Variants in PAG1 observed in about 807,000 individuals in gnomAD.
PAG1 encodes the protein phosphoprotein associated with glycosphingolipid-enriched microdomains 1.
A neutral mutation model predicts 31.7 loss-of-function variants in PAG1; 23 were observed. The ratio of observed to expected loss-of-function variants is 0.73; its 90% CI spans 0.52 to 1.03. PAG1 has a LOEUF of 1.03. Among genes scored for constraint, PAG1 ranks in the 50% least tolerant of loss-of-function variants. The probability of loss-of-function intolerance (pLI) is 0.00; values close to 1 mark genes in which losing one functional copy is unlikely to be tolerated. For missense variants in PAG1, 473 were observed against 540.7 expected (o/e 0.87, Z 1.24); for synonymous variants, 214 against 210.3 (o/e 1.02, Z -0.15).
chr8:80,998,610 A>G (rs1487861423), intron 3 of PAG1, among the ~76,000 whole-genome samples: 1 of 151,852 alleles, frequency 6.6e-6, no homozygotes, highest in Non-Finnish European at 1.5e-5. Flanking sequence ...AAAAAACCAC[A>G]CAAATTAATG....
intron 6 of PAG1, among the ~76,000 whole-genome samples, chr8:80,986,226 C>G (rs1586144128): frequency 6.6e-6 from 1 of 152,176 alleles, no homozygotes; most frequent in Non-Finnish European, 1.5e-5. Context: ...ACGGATCCCC[C>G]AATCCTTCTG....
At chr8:81,100,981 C>T (rs1447290147) in intron 1 of PAG1, among the ~76,000 whole-genome samples, 1 of 152,050 alleles carries the variant, frequency 6.6e-6, no homozygotes, top group Non-Finnish European at 1.5e-5. Flanking sequence ...TCTAGGAGAA[C>T]GATTTTGAAA....
rs775178984 is a variant in PAG1 at position 80,985,158 on chromosome 8, A to T, written c.494T>A (p.Val165Glu). ...QGLGMEGPYE[V>E]LKDSSSQENM... Reference sequence around the variant, plus strand: ...TTCTTGGGAGGAGCTGTCCTTGAGCACTTCATAGGGCCCTTCCATCCCCAG... The same window carrying T: ...TTCTTGGGAGGAGCTGTCCTTGAGCTCTTCATAGGGCCCTTCCATCCCCAG... Residue 165 changes from valine (V) to glutamate (E), a missense_variant, in exon 7 of 9, where the codon GTG (valine) becomes GAG (glutamate). Val to Glu is a moderately radical substitution (Grantham distance 121). Coordinates refer to ENST00000220597, the MANE Select transcript of PAG1 (RefSeq NM_018440.4). 6.2e-7 allele frequency: 1 copy of T among 1,613,796 alleles called. No homozygotes were observed. The highest frequency in any genetic ancestry group is 8.5e-7 in the Non-Finnish European group (1 of 1,179,980).
intron 2 of PAG1, among the ~76,000 whole-genome samples, chr8:81,042,750 T>A (rs1011829300): frequency 7.2e-5 from 11 of 152,074 alleles, no homozygotes; most frequent in Admixed American, 6.5e-5. Flanking sequence ...GGGTAAAGAC[T>A]TTTCCCTCCC....
chr8:81,035,944 CAT>C (rs996587307), intron 2 of PAG1, among the ~76,000 whole-genome samples: 18 of 151,576 alleles, frequency 1.2e-4, no homozygotes, highest in African/African-American at 3.2e-4. Flanking sequence ...CATATTAACA[CAT>C]GTGTATATAC....
At position 81,111,989 on chromosome 8, in the gene PAG1, T is replaced by C. The variant is rs1169528798; in HGVS notation, c.-632A>G. The C allele has an allele frequency of 2.0e-5, 3 of 152,238 alleles. No homozygotes were observed. Among genetic ancestry groups the C allele is most frequent in the Admixed American group, 2.0e-4 (3 of 15,286 alleles). 9.4% of individuals were successfully genotyped at this position (152,238 alleles called of 1,614,324 possible). A position where few individuals can be genotyped will look rare whatever the true frequency, so the allele number is the denominator to read the frequency against. On this transcript the variant is annotated 5_prime_UTR_variant, in exon 1 of 9. Transcript: ENST00000220597. ...AGCCGCCAGCCCGCCCCCAGTCGGCTGGTCACATCGCGGGCGCGCAGACGG... is the reference window on the plus strand; with the variant it reads ...AGCCGCCAGCCCGCCCCCAGTCGGCCGGTCACATCGCGGGCGCGCAGACGG...
At chr8:80,993,345 G>C (rs1026949394) in intron 3 of PAG1, 38 bp from the exon 4 acceptor site, 1 of 1,061,280 alleles carries the variant, frequency 9.4e-7, no homozygotes, top group Non-Finnish European at 1.3e-6. Flanking sequence ...GTAATTCTCG[G>C]GTAAAGTGGC....
In PAG1 at chr8:80,987,412, G is replaced by A. The variant is rs746284852; in HGVS notation, c.232C>T (p.Pro78Ser). 1.9e-6 allele frequency: 3 copies of A among 1,613,958 alleles called. No individual in the cohort carries two copies. Among genetic ancestry groups the A allele is most frequent in the South Asian group, 1.1e-5 (1 of 91,066 alleles). ...GCCCCATTCTGCTCACTGCTGGCAG[G>A]AGCATCTGTTGCCAGGCTAGTAACT... The part of the protein sequence containing the change: ...RSVTSLATDA[P>S]ASSEQNGALT... Residue 78 changes from proline (P) to serine (S), a missense_variant, in exon 6 of 9, where the codon CCT becomes TCT. Transcript: ENST00000220597.
intron 1 of PAG1, among the ~76,000 whole-genome samples, chr8:81,106,095 T>C (rs1333626957): frequency 6.6e-6 from 1 of 152,172 alleles, no homozygotes; most frequent in Non-Finnish European, 1.5e-5. Context: ...CAGGCCGGGG[T>C]GCAGTGGTGT....
At chr8:81,106,291 C>A (rs988937423) in intron 1 of PAG1, among the ~76,000 whole-genome samples, 1 of 152,114 alleles carries the variant, frequency 6.6e-6, no homozygotes, top group East Asian at 1.9e-4. Flanking sequence ...AGTGATCCAC[C>A]CTCCTCAGCC....
chr8:81,100,544 C>T (rs1278667614), intron 1 of PAG1, among the ~76,000 whole-genome samples: 7 of 152,176 alleles, frequency 4.6e-5, no homozygotes, highest in Non-Finnish European at 8.8e-5. Flanking sequence ...CTGTGCCAAC[C>T]AAAAATGTCT....
chr8:81,108,423 G>A lies in PAG1; in HGVS notation c.-234+3168C>T, dbSNP rs4556047. On this transcript the variant is annotated intron_variant, in intron 1 of 8. Transcript: ENST00000220597. The stretch of plus-strand genomic sequence containing the variant: ...AGCCTACAGGAAGAGTAGAACTCTC[G>A]AAGAGTTTTGATTTTTTTTTTAAAG... Among the ~76,000 whole-genome samples, 575 of 152,240 alleles carry A rather than the reference G, an allele frequency of 3.8e-3. 7 individuals are homozygous for A. The highest frequency in any genetic ancestry group is 0.013 in the African/African-American group (552 of 41,538).
In PAG1 at chr8:81,054,894, A is replaced by G. The variant is rs377258936; in HGVS notation, c.-175+15218T>C. Among the ~76,000 whole-genome samples the G allele has an allele frequency of 3.3e-5, 5 of 152,086 alleles. No individual in the cohort carries two copies. The East Asian group carries it at 9.7e-4, about 29-fold the overall frequency. ...CCTACATTTCAAAAGCTCATGATGAAGACTGGATGGGAGAAGGGGGAAACT... is the reference window on the plus strand; with the variant it reads ...CCTACATTTCAAAAGCTCATGATGAGGACTGGATGGGAGAAGGGGGAAACT... On this transcript the variant is annotated intron_variant, in intron 2 of 8. Transcript: ENST00000220597.
At chr8:81,044,379 G>A (rs566852372) in intron 2 of PAG1, among the ~76,000 whole-genome samples, 20 of 152,296 alleles carry the variant, frequency 1.3e-4, no homozygotes, top group African/African-American at 4.3e-4. Flanking sequence ...GGAAGCAGAT[G>A]TGAAGAGACA....
intron 7 of PAG1, among the ~76,000 whole-genome samples, chr8:80,982,132 T>C (rs1807319552): frequency 1.3e-5 from 2 of 152,128 alleles, no homozygotes; most frequent in Non-Finnish European, 1.5e-5. Flanking sequence ...TCCCAAAGTG[T>C]TACGATTACA....
intron 2 of PAG1, among the ~76,000 whole-genome samples, chr8:81,030,306 A>C (rs2130786960): frequency 6.6e-6 from 1 of 152,366 alleles, no homozygotes; most frequent in Middle Eastern, 3.4e-3. Flanking sequence ...AAAACTTCCT[A>C]TCTCCCCATC....
At chr8:81,049,120 T>C (rs1358787512) in intron 2 of PAG1, among the ~76,000 whole-genome samples, 1 of 152,212 alleles carries the variant, frequency 6.6e-6, no homozygotes, top group African/African-American at 2.4e-5. Flanking sequence ...TAATTACACA[T>C]TGAGCAAGAA....
intron 2 of PAG1, among the ~76,000 whole-genome samples, chr8:81,044,972 T>G (rs1467677633): frequency 6.6e-6 from 1 of 152,132 alleles, no homozygotes; most frequent in Non-Finnish European, 1.5e-5. Flanking sequence ...ATGCTGCACC[T>G]GGAGTATTTT....
chr8:81,087,745 G>T (rs1563426144), intron 1 of PAG1, among the ~76,000 whole-genome samples: 1 of 152,172 alleles, frequency 6.6e-6, no homozygotes, highest in Non-Finnish European at 1.5e-5. Context: ...CATGCATGTG[G>T]CTCTGTGGCT....
Sources: allele counts gnomAD v4.1 joint callset (sites outside exome capture counted in the v4.1 genomes callset), GRCh38; gene constraint gnomAD v4.1.1; transcripts MANE v1.5; gene names NCBI Gene and HGNC (gene_info 2026-07-23, HGNC 2026-07-21).